Variants in SUGCT observed in about 807,000 individuals in gnomAD.
The protein encoded by SUGCT is succinyl-CoA:glutarate CoA-transferase.
Under a neutral mutation model 55.0 loss-of-function variants are expected in SUGCT, and 41 were observed. The observed-to-expected ratio is 0.74, with a 90% CI of 0.58 to 0.97. The LOEUF is 0.97. SUGCT is among the 50% of genes least tolerant of loss of function. The pLI, the probability that SUGCT is intolerant of heterozygous loss-of-function variation, is 0.00. For synonymous variants in SUGCT, 187 were observed against 200.4 expected, an observed-to-expected ratio of 0.93 and a Z score of 0.56; for missense variants, 568 against 547.8, an observed-to-expected ratio of 1.04 and a Z score of -0.37.
At chr7:40,506,091 T>C (rs1188919119) in intron 12 of SUGCT, among the ~76,000 whole-genome samples, 6 of 152,288 alleles carry the variant, frequency 3.9e-5, no homozygotes, top group South Asian at 4.1e-4. Flanking sequence ...TGGTGCTCTC[T>C]TTTTTATGTG....
chr7:40,870,436 T>A, the SUGCT span, among the ~76,000 whole-genome samples: 1 of 152,170 alleles, frequency 6.6e-6, no homozygotes, highest in African/African-American at 2.4e-5. Flanking sequence ...CTGTCTCTTG[T>A]AAGCAAACTT....
chr7:40,246,417 T>C (rs980020128), intron 7 of SUGCT, among the ~76,000 whole-genome samples: 1 of 151,802 alleles, frequency 6.6e-6, no homozygotes, highest in Non-Finnish European at 1.5e-5. Flanking sequence ...ACCTGGCTGA[T>C]TTTTGTATTT....
chr7:40,438,969 CTATAA>C (rs910381885), intron 9 of SUGCT, among the ~76,000 whole-genome samples: 1 of 144,136 alleles, frequency 6.9e-6, no homozygotes, highest in Non-Finnish European at 1.5e-5. Flanking sequence ...TTATAATATA[CTATAA>C]TATACTACTG....
chr7:40,831,600 G>A (rs1792668229), intron 13 of SUGCT, among the ~76,000 whole-genome samples: 1 of 152,208 alleles, frequency 6.6e-6, no homozygotes, highest in African/African-American at 2.4e-5. Context: ...TAATGCAGAT[G>A]TTTAACCAAG....
intron 12 of SUGCT, among the ~76,000 whole-genome samples, chr7:40,644,067 T>C (rs1241833074): frequency 6.6e-6 from 1 of 152,182 alleles, no homozygotes; most frequent in Non-Finnish European, 1.5e-5. Flanking sequence ...CCACATTCTC[T>C]GGTCCAGGTT....
intron 12 of SUGCT, among the ~76,000 whole-genome samples, chr7:40,507,072 T>C (rs1164769373): frequency 6.6e-6 from 1 of 152,016 alleles, no homozygotes; most frequent in Non-Finnish European, 1.5e-5. Flanking sequence ...AAGTTTCTGT[T>C]GCCAGCTTTC....
chr7:40,979,092 T>C, the SUGCT span, among the ~76,000 whole-genome samples: 1 of 152,120 alleles, frequency 6.6e-6, no homozygotes, highest in African/African-American at 2.4e-5. Flanking sequence ...CCCATGCCTT[T>C]TCCATTATGC....
chr7:40,827,826 C>A (rs1273777672), intron 13 of SUGCT, among the ~76,000 whole-genome samples: 1 of 152,074 alleles, frequency 6.6e-6, no homozygotes, highest in Non-Finnish European at 1.5e-5. Context: ...TAACAAAACT[C>A]CCCCACACCA....
intron 6 of SUGCT, among the ~76,000 whole-genome samples, chr7:40,208,733 C>T (rs190154036): frequency 2.0e-5 from 3 of 151,976 alleles, no homozygotes; most frequent in Middle Eastern, 3.4e-3. Flanking sequence ...TTAGTAGAGA[C>T]GGGGTTTCAC....
At chr7:40,905,730 T>C in the SUGCT span, among the ~76,000 whole-genome samples, 1 of 151,838 alleles carries the variant, frequency 6.6e-6, no homozygotes, top group Admixed American at 6.6e-5. Flanking sequence ...TTTTTTTTTC[T>C]TTAGAGGCAG....
chr7:40,630,163 G>A (rs960080323), intron 12 of SUGCT, among the ~76,000 whole-genome samples: 1 of 152,192 alleles, frequency 6.6e-6, no homozygotes, highest in African/African-American at 2.4e-5. Context: ...TTATGCTACA[G>A]GGAAACCTGT....
Position 40,496,322 on chromosome 7 carries a change from T to C in SUGCT, c.1025T>C (p.Phe342Ser). Residue 342 changes from phenylalanine (F) to serine (S), a missense_variant, in exon 12 of 14, where the codon TTT becomes TCT. Coordinates refer to ENST00000335693, the MANE Select transcript of SUGCT (RefSeq NM_001193313.2). ...EELTSKWLYL[F>S]EGSGVPYGPI... ...CTGACCAGCAAGTGGTTATATCTTT[T>C]TGAAGGCAGTGGAGTCCCGTATGGC... The C allele has an allele frequency of 6.2e-7, 1 of 1,613,234 alleles. No individual in the cohort carries two copies. The highest frequency in any genetic ancestry group is 1.3e-5 in the African/African-American group (1 of 75,038).
chr7:40,148,061 T>C (rs1017731884), intron 1 of SUGCT, among the ~76,000 whole-genome samples: 1 of 152,110 alleles, frequency 6.6e-6, no homozygotes, highest in Non-Finnish European at 1.5e-5. Flanking sequence ...CTAACTCTGA[T>C]TGGCTAATTT....
intron 9 of SUGCT, among the ~76,000 whole-genome samples, chr7:40,422,360 T>G (rs2151373796): frequency 6.6e-6 from 1 of 152,294 alleles, no homozygotes; most frequent in Middle Eastern, 3.4e-3. Flanking sequence ...ATATATTATT[T>G]CATTTAATCC....
intron 12 of SUGCT, among the ~76,000 whole-genome samples, chr7:40,660,671 G>A (rs181542577): frequency 7.2e-4 from 110 of 152,184 alleles, no homozygotes; most frequent in Admixed American, 2.0e-3. Context: ...TCATTCAGGC[G>A]GGCATACCTT....
intron 13 of SUGCT, among the ~76,000 whole-genome samples, chr7:40,755,154 A>G (rs1006727275): frequency 3.3e-5 from 5 of 152,142 alleles, no homozygotes; most frequent in Admixed American, 1.3e-4. Context: ...ACAAATCAAA[A>G]AAAATTCAAA....
intron 9 of SUGCT, among the ~76,000 whole-genome samples, chr7:40,355,804 A>C (rs1301548786): frequency 2.0e-5 from 3 of 152,216 alleles, no homozygotes; most frequent in African/African-American, 7.2e-5. Flanking sequence ...GATCTGTAAT[A>C]AGAATTTACA....
the SUGCT span, among the ~76,000 whole-genome samples, chr7:41,018,385 C>T: frequency 1.3e-5 from 2 of 152,112 alleles, no homozygotes; most frequent in Non-Finnish European, 1.5e-5. Flanking sequence ...TTCTCTCTTT[C>T]CTCACTGGAA....
intron 13 of SUGCT, among the ~76,000 whole-genome samples, chr7:40,848,776 C>T (rs1191123648): frequency 6.6e-6 from 1 of 152,136 alleles, no homozygotes; most frequent in African/African-American, 2.4e-5. Context: ...GGATTGAGTT[C>T]TTCTGTTAAA....
Sources: gnomAD v4.1 joint callset for allele counts (sites outside exome capture counted in the v4.1 genomes callset) on GRCh38, gnomAD v4.1.1 for gene constraint, MANE v1.5 for transcripts, NCBI Gene and HGNC (gene_info 2026-07-23, HGNC 2026-07-21) for gene names.